NDEL1: variants seen among roughly 807,000 people sequenced by gnomAD.
NDEL1 encodes nudE neurodevelopment protein 1 like 1, also known as nuclear distribution protein nudE-like 1.
NDEL1 carries 9 observed loss-of-function variants against 45.7 expected under a neutral mutation model. That is an observed-to-expected ratio of 0.20 (90% CI 0.12 to 0.34). The LOEUF is 0.34. Among genes scored for constraint, NDEL1 ranks in the 10% least tolerant of loss-of-function variants. The pLI is 1.00. For synonymous variants in NDEL1, 133 were observed against 158.6 expected (o/e 0.84, Z 1.21); for missense variants, 306 against 406.2 (o/e 0.75, Z 2.12).
chr17:8,422,499 C>T (rs1335801416), intron 1 of NDEL1, among the ~76,000 whole-genome samples: 1 of 151,812 alleles, frequency 6.6e-6, no homozygotes, highest in Non-Finnish European at 1.5e-5. Context: ...ATCTTGTCCC[C>T]AGCACTTCAG....
downstream of NDEL1, among the ~76,000 whole-genome samples, chr17:8,471,508 A>G (rs1295358545): frequency 6.6e-6 from 1 of 152,220 alleles, no homozygotes; most frequent in Non-Finnish European, 1.5e-5. Flanking sequence ...AGCGCTCTGC[A>G]TGGGGATCTG....
upstream of NDEL1, among the ~76,000 whole-genome samples, chr17:8,434,276 A>T (rs1398195621): frequency 2.0e-5 from 3 of 152,086 alleles, no homozygotes; most frequent in African/African-American, 7.2e-5. Flanking sequence ...CCCAGGTTAG[A>T]GTGCAGTGGT....
intron 7 of NDEL1, among the ~76,000 whole-genome samples, chr17:8,455,437 C>A (rs1006020387): frequency 3.3e-5 from 5 of 152,304 alleles, no homozygotes; most frequent in African/African-American, 1.2e-4. Context: ...CCTGTAATCC[C>A]AGCACTTTGG....
At chr17:8,457,896 G>A (rs1404737850) in intron 7 of NDEL1, among the ~76,000 whole-genome samples, 1 of 152,080 alleles carries the variant, frequency 6.6e-6, no homozygotes, top group African/African-American at 2.4e-5. Flanking sequence ...TATGTTATGT[G>A]TTATACAGGT....
chr17:8,459,909 G>C, intron 7 of NDEL1, 100 bp from the exon 8 acceptor site: 1 of 1,228,158 alleles, frequency 8.1e-7, no homozygotes, highest in Non-Finnish European at 1.2e-6. Context: ...CAACTGAGAT[G>C]AGTAAGTTTT....
At chr17:8,440,960 G>A (rs1909693987) in intron 1 of NDEL1, among the ~76,000 whole-genome samples, 1 of 152,196 alleles carries the variant, frequency 6.6e-6, no homozygotes, top group African/African-American at 2.4e-5. Flanking sequence ...TTTCGTAGAA[G>A]AATTGGCCCC....
chr17:8,447,578 T>TA lies in NDEL1; in HGVS notation c.389+677dup, dbSNP rs145971248. 6.7e-3 allele frequency among the ~76,000 whole-genome samples: 1,024 copies of TA among 152,346 alleles called. 12 individuals are homozygous for TA. The highest frequency in any genetic ancestry group is 0.036 in the East Asian group (186 of 5,188). On this transcript the variant is annotated intron_variant, in intron 4 of 8. Coordinates refer to ENST00000334527, the MANE Select transcript of NDEL1 (RefSeq NM_030808.5). ...GATTCTGTAGTTATCCTCTAGCTGA[T>TA]ATATCTTTATATTTCTGTTCCTTTT... is the stretch of plus-strand genomic sequence containing the variant.
chr17:8,439,978 T>C (rs565919198), intron 1 of NDEL1, among the ~76,000 whole-genome samples: 1 of 152,334 alleles, frequency 6.6e-6, no homozygotes, highest in African/African-American at 2.4e-5. Flanking sequence ...CAGGTCTGAC[T>C]TCAGACTTGG....
downstream of NDEL1, among the ~76,000 whole-genome samples, chr17:8,468,478 C>G (rs557608604): frequency 6.6e-6 from 1 of 152,312 alleles, no homozygotes; most frequent in Non-Finnish European, 1.5e-5. Context: ...GGGATGGATC[C>G]GGGACCTGGT....
upstream of NDEL1, among the ~76,000 whole-genome samples, chr17:8,432,756 C>G (rs1412057954): frequency 3.9e-5 from 6 of 152,090 alleles, no homozygotes; most frequent in Non-Finnish European, 8.8e-5. Context: ...GTGATGTCTA[C>G]TGATTTTCCA....
chr17:8,424,162 G>C (rs115123101), intron 1 of NDEL1, among the ~76,000 whole-genome samples: 2 of 152,152 alleles, frequency 1.3e-5, no homozygotes, highest in Non-Finnish European at 2.9e-5. Context: ...AACGTATAAC[G>C]TATGTATGTT....
chr17:8,428,811 C>T (rs887250718), intron 1 of NDEL1, among the ~76,000 whole-genome samples: 17 of 151,774 alleles, frequency 1.1e-4, no homozygotes, highest in African/African-American at 2.4e-4. Context: ...GTAGCTGGGA[C>T]TACGGGCTCC....
intron 5 of NDEL1, 136 bp downstream of exon 5, chr17:8,448,822 G>A: frequency 1.1e-6 from 1 of 903,426 alleles, no homozygotes; most frequent in African/African-American, 1.7e-5. Flanking sequence ...TCAAAACCCT[G>A]TATATGGAGG....
intron 1 of NDEL1, among the ~76,000 whole-genome samples, chr17:8,428,666 A>G (rs1048528828): frequency 7.8e-5 from 11 of 141,876 alleles, no homozygotes; most frequent in African/African-American, 2.4e-4. Context: ...CCTGGCCCCA[A>G]GTGTATATTT....
intron 6 of NDEL1, among the ~76,000 whole-genome samples, chr17:8,453,310 C>G (rs758168797): frequency 6.6e-6 from 1 of 152,272 alleles, no homozygotes; most frequent in Middle Eastern, 3.4e-3. Context: ...AAAAGCCACA[C>G]AAGTATTTTC....
intron 7 of NDEL1, among the ~76,000 whole-genome samples, chr17:8,456,432 C>CT (rs1297299487): frequency 1.4e-5 from 2 of 141,262 alleles, no homozygotes; most frequent in African/African-American, 5.2e-5. Context: ...ATTTTTTGTT[C>CT]TTTTAAAAAA....
At chr17:8,444,628 C>T (rs749797590) in intron 2 of NDEL1, 5 of 296,822 alleles carry the variant, frequency 1.7e-5, no homozygotes, top group East Asian at 1.6e-4. Context: ...TTTTAGTAGG[C>T]GGGGCCATCT....
At chr17:8,469,382 T>A (rs1464642359), downstream of NDEL1, among the ~76,000 whole-genome samples, 2 of 152,196 alleles carry the variant, frequency 1.3e-5, no homozygotes, top group Non-Finnish European at 2.9e-5. Flanking sequence ...TGAATCTTCA[T>A]CCCTGGCTCC....
At position 8,468,089 on chromosome 17, in the gene NDEL1, A is replaced by T. The variant is rs1460564514; in HGVS notation, c.*1066A>T. 6.6e-6 allele frequency: 1 copy of T among 152,606 alleles called. No homozygotes were observed. Among genetic ancestry groups the T allele is most frequent in the Non-Finnish European group, 1.5e-5 (1 of 68,040 alleles). 9.5% of individuals were successfully genotyped at this position (152,606 alleles called of 1,614,324 possible). A position where few individuals can be genotyped will look rare whatever the true frequency, so the allele number is the denominator to read the frequency against. On this transcript the variant is annotated 3_prime_UTR_variant, in exon 9 of 9. Coordinates refer to ENST00000334527, the MANE Select transcript of NDEL1 (RefSeq NM_030808.5). ...CTCTGGGCAGCTGTATAGGATCATC[A>T]TGTGGTTACAAAAAATACTTCCCTC...
Sources: allele counts gnomAD v4.1 joint callset (sites outside exome capture counted in the v4.1 genomes callset), GRCh38; gene constraint gnomAD v4.1.1; transcripts MANE v1.5; gene names NCBI Gene and HGNC (gene_info 2026-07-23, HGNC 2026-07-21).